COL5A2: variants seen among roughly 807,000 people sequenced by gnomAD.
COL5A2 encodes the protein collagen type V alpha 2 chain, also known as collagen alpha-2(V) chain.
Under a neutral mutation model 208.2 loss-of-function variants are expected in COL5A2, and 23 were observed. That is an observed-to-expected ratio of 0.11 (90% confidence interval 0.08 to 0.16). The LOEUF (loss-of-function observed/expected upper bound fraction) is 0.16, where lower values mean the gene tolerates loss of function less well. COL5A2 is among the 10% of genes least tolerant of loss of function. COL5A2 has a pLI of 1.00. For missense variants in COL5A2, 1,590 were observed against 1,956.4 expected (o/e 0.81, Z 3.53); for synonymous variants, 625 against 628.5 (o/e 0.99, Z 0.08).
intron 16 of COL5A2, among the ~76,000 whole-genome samples, chr2:189,075,791 A>G (rs371695089): frequency 2.6e-5 from 4 of 152,212 alleles, no homozygotes; most frequent in East Asian, 3.8e-4. Flanking sequence ...CAGAGAAGCA[A>G]TGTCCAGAAA....
At chr2:189,383,098 C>T in the COL5A2 span, among the ~76,000 whole-genome samples, 2,307 of 152,308 alleles carry the variant, frequency 0.015, 21 homozygotes, top group Non-Finnish European at 0.023. Context: ...TTTTTACTAA[C>T]ATAAGTATGT....
rs73981487 is a variant in COL5A2, at chr2:189,033,431, C to T, written c.*639G>A. 0.057 allele frequency: 8,574 copies of T among 151,718 alleles called. 255 individuals are homozygous for T. Among genetic ancestry groups the T allele is most frequent in the African/African-American group, 0.096 (3,964 of 41,288 alleles). 9.4% of individuals were successfully genotyped at this position (151,718 alleles called of 1,614,324 possible). On this transcript the variant is annotated 3_prime_UTR_variant, in exon 54 of 54. Coordinates refer to ENST00000374866, the MANE Select transcript of COL5A2 (RefSeq NM_000393.5). ...TAAATTCACTTTGTTCTCCAAAATG[C>T]CACTGAATATATACTATTTAAAAAT...
chr2:189,040,094 T>G (rs1685527462), intron 50 of COL5A2, among the ~76,000 whole-genome samples: 1 of 152,134 alleles, frequency 6.6e-6, no homozygotes, highest in Non-Finnish European at 1.5e-5. Flanking sequence ...AGGAAGTCCT[T>G]TTATGTGCAT....
the COL5A2 span, among the ~76,000 whole-genome samples, chr2:189,404,597 TG>T: frequency 6.6e-6 from 1 of 152,240 alleles, no homozygotes. Context: ...TGGCAGATCA[TG>T]GGACTTCTCA....
chr2:189,391,497 C>A, the COL5A2 span, among the ~76,000 whole-genome samples: 1 of 152,054 alleles, frequency 6.6e-6, no homozygotes, highest in African/African-American at 2.4e-5. Context: ...AACAGTTGAA[C>A]AAAATAGCAA....
the COL5A2 span, among the ~76,000 whole-genome samples, chr2:189,265,369 C>G: frequency 6.6e-6 from 1 of 152,138 alleles, no homozygotes; most frequent in Admixed American, 6.5e-5. Flanking sequence ...AAGGAGCCCC[C>G]TTCCTTGACT....
At chr2:189,428,526 G>A in the COL5A2 span, among the ~76,000 whole-genome samples, 6 of 152,184 alleles carry the variant, frequency 3.9e-5, no homozygotes, top group Admixed American at 3.9e-4. Context: ...GCTGAGGCAG[G>A]AGAATTGCTT....
At chr2:189,330,918 C>A in the COL5A2 span, among the ~76,000 whole-genome samples, 109 of 152,172 alleles carry the variant, frequency 7.2e-4, no homozygotes, top group African/African-American at 2.6e-3. Flanking sequence ...TGCATAAAAC[C>A]ATGAGTATAT....
At chr2:189,163,414 T>G (rs930780699) in intron 1 of COL5A2, among the ~76,000 whole-genome samples, 2 of 152,216 alleles carry the variant, frequency 1.3e-5, no homozygotes, top group Non-Finnish European at 2.9e-5. Context: ...TTCTCTCTAA[T>G]TGGAAAATTC....
At chr2:189,231,697 T>C in the COL5A2 span, among the ~76,000 whole-genome samples, 1 of 151,934 alleles carries the variant, frequency 6.6e-6, no homozygotes, top group East Asian at 1.9e-4. Flanking sequence ...AGATAAAATA[T>C]TTAATGAATG....
chr2:189,175,466 CCT>C (rs1688658960), intron 1 of COL5A2, among the ~76,000 whole-genome samples: 1 of 151,758 alleles, frequency 6.6e-6, no homozygotes, highest in Non-Finnish European at 1.5e-5. Context: ...AACCTCAGTC[CCT>C]GATGACTTTG....
intron 1 of COL5A2, among the ~76,000 whole-genome samples, chr2:189,130,198 T>C (rs2105751968): frequency 6.6e-6 from 1 of 152,144 alleles, no homozygotes; most frequent in South Asian, 2.1e-4. Flanking sequence ...TAGTAATTTG[T>C]GGGAAGATGG....
At chr2:189,139,817 G>A (rs1474393030) in intron 1 of COL5A2, among the ~76,000 whole-genome samples, 1 of 152,080 alleles carries the variant, frequency 6.6e-6, no homozygotes, top group South Asian at 2.1e-4. Flanking sequence ...GCTCACGCCT[G>A]TAACCCCAAC....
chr2:189,133,075 A>G (rs1017846314), intron 1 of COL5A2: 1 of 151,072 alleles, frequency 6.6e-6, no homozygotes, highest in Non-Finnish European at 1.5e-5. Context: ...TGAATTCATT[A>G]ACAGGCAAAC....
At chr2:189,139,978 C>T (rs1441627559) in intron 1 of COL5A2, among the ~76,000 whole-genome samples, 1 of 151,864 alleles carries the variant, frequency 6.6e-6, no homozygotes, top group African/African-American at 2.4e-5. Flanking sequence ...GAGGCTGAGG[C>T]AGAAGAATCA....
rs553116478 is a variant in COL5A2 at position 189,172,005 on chromosome 2, G to A, written c.97+7503C>T. Among the ~76,000 whole-genome samples, 15 of 152,220 alleles carry A rather than the reference G, an allele frequency of 9.9e-5. 2 individuals are homozygous for A. In the South Asian group the frequency reaches 2.5e-3, roughly 25 times the overall value. On this transcript the variant is annotated intron_variant, in intron 1 of 53. Coordinates refer to ENST00000374866, the MANE Select transcript of COL5A2 (RefSeq NM_000393.5). ...CAATGGTCTCCAATAAAGGAGAAAGGCCTGATAAGATAAGATGAAAAGGGA... is the reference window on the plus strand; with the variant it reads ...CAATGGTCTCCAATAAAGGAGAAAGACCTGATAAGATAAGATGAAAAGGGA...
chr2:189,435,119 C>T, the COL5A2 span, among the ~76,000 whole-genome samples: 2 of 152,090 alleles, frequency 1.3e-5, no homozygotes, highest in Non-Finnish European at 2.9e-5. Context: ...AACTGGCTAG[C>T]CATATGTAGA....
At chr2:189,130,110 G>A (rs749579151) in intron 1 of COL5A2, among the ~76,000 whole-genome samples, 3 of 151,976 alleles carry the variant, frequency 2.0e-5, no homozygotes, top group South Asian at 4.1e-4. Context: ...ATAGGGCAAC[G>A]GACAAACACA....
At chr2:189,433,046 T>A in the COL5A2 span, among the ~76,000 whole-genome samples, 271 of 152,286 alleles carry the variant, frequency 1.8e-3, 1 homozygote, top group African/African-American at 6.4e-3. Flanking sequence ...ACCGTGCAAC[T>A]ACATGGAAAT....
Sources: allele counts gnomAD v4.1 joint callset (sites outside exome capture counted in the v4.1 genomes callset), GRCh38; gene constraint gnomAD v4.1.1; transcripts MANE v1.5; gene names NCBI Gene and HGNC (gene_info 2026-07-23, HGNC 2026-07-21).